The following TENM3 variants were observed in gnomAD, a reference collection of about 807,000 sequenced individuals.
TENM3 encodes the protein teneurin-3.
TENM3 carries 63 observed loss-of-function variants against 255.1 expected under a neutral mutation model. The ratio of observed to expected loss-of-function variants is 0.25; its 90% confidence interval spans 0.20 to 0.30. The LOEUF (loss-of-function observed/expected upper bound fraction) is 0.30. TENM3 is among the 10% of genes least tolerant of loss of function. TENM3 has a pLI of 1.00. For synonymous variants in TENM3, 1,306 were observed against 1,322.3 expected (o/e 0.99, Z 0.27); for missense variants, 2,929 against 3,461.1 (o/e 0.85, Z 3.86).
the TENM3 span, among the ~76,000 whole-genome samples, chr4:182,035,207 T>C: frequency 6.6e-6 from 1 of 152,250 alleles, no homozygotes; most frequent in Non-Finnish European, 1.5e-5. Context: ...GTTATTTAAA[T>C]GATTTTTGTC....
At chr4:182,119,918 T>A in the TENM3 span, among the ~76,000 whole-genome samples, 2 of 151,782 alleles carry the variant, frequency 1.3e-5, no homozygotes, top group African/African-American at 4.8e-5. Context: ...CCTAAGCTGG[T>A]CTCAAACTCC....
At chr4:181,845,285 G>A in the TENM3 span, among the ~76,000 whole-genome samples, 51 of 152,120 alleles carry the variant, frequency 3.4e-4, 1 homozygote, top group Non-Finnish European at 1.5e-4. Context: ...AGATTCAAAT[G>A]AATTTGAATT....
the TENM3 span, among the ~76,000 whole-genome samples, chr4:181,958,483 G>A: frequency 6.6e-6 from 1 of 152,172 alleles, no homozygotes; most frequent in Non-Finnish European, 1.5e-5. Flanking sequence ...GTAATGATAT[G>A]AGTAAATCAT....
the TENM3 span, among the ~76,000 whole-genome samples, chr4:182,057,560 C>A: frequency 6.6e-6 from 1 of 151,598 alleles, no homozygotes; most frequent in Non-Finnish European, 1.5e-5. Context: ...TACAGGCACA[C>A]CACCATGCCC....
the TENM3 span, among the ~76,000 whole-genome samples, chr4:181,818,995 G>A: frequency 1.3e-5 from 2 of 152,130 alleles, no homozygotes; most frequent in Non-Finnish European, 1.5e-5. Flanking sequence ...CATGACCATG[G>A]TTAGGTCCCA....
rs867441282 is a variant in TENM3 at position 182,773,623 on chromosome 4, G to A, written c.5044G>A (p.Asp1682Asn). The A allele has an allele frequency of 5.6e-6, 9 of 1,612,054 alleles. 1 individual carries two copies. The highest frequency in any genetic ancestry group is 1.7e-5 in the Admixed American group (1 of 59,770). ...CATCACTTCAAATCTGTCCTCGATCGATTCTTTCTACACCATGGTTCAAGG... is the reference window on the plus strand; with the variant it reads ...CATCACTTCAAATCTGTCCTCGATCAATTCTTTCTACACCATGGTTCAAGG... Reference protein sequence around the residue: ...VSITSNLSSIDSFYTMVQDQL... With the variant: ...VSITSNLSSINSFYTMVQDQL... Residue 1682 changes from aspartate to asparagine, a missense_variant, in exon 23 of 28, where the codon GAT becomes AAT. Around this residue, in one of 6 missense-constraint regions of TENM3, gnomAD observed 1,608 missense variants for 1,884.4 expected, o/e 0.85. Coordinates refer to ENST00000511685, the MANE Select transcript of TENM3 (RefSeq NM_001080477.4).
chr4:182,767,020 C>T (rs1763773574), intron 22 of TENM3, among the ~76,000 whole-genome samples: 1 of 152,136 alleles, frequency 6.6e-6, no homozygotes, highest in Admixed American at 6.5e-5. Flanking sequence ...AGGTAGGTAG[C>T]AGGCAGGGGA....
the TENM3 span, among the ~76,000 whole-genome samples, chr4:181,648,210 C>T: frequency 2.6e-5 from 4 of 152,268 alleles, no homozygotes; most frequent in Admixed American, 2.0e-4. Flanking sequence ...GCACGCTGCT[C>T]ATTTAGGTTT....
the TENM3 span, among the ~76,000 whole-genome samples, chr4:181,908,491 G>A: frequency 2.0e-5 from 3 of 151,782 alleles, no homozygotes; most frequent in African/African-American, 7.3e-5. Flanking sequence ...TTCCATATTG[G>A]GTGATACATT....
At chr4:181,491,625 GAT>G in the TENM3 span, among the ~76,000 whole-genome samples, 73 of 152,026 alleles carry the variant, frequency 4.8e-4, 1 homozygote, top group East Asian at 0.014. Context: ...TAAAGATATA[GAT>G]ACAGAAATAG....
At chr4:182,542,852 T>G (rs1016791306) in intron 3 of TENM3, among the ~76,000 whole-genome samples, 3 of 152,210 alleles carry the variant, frequency 2.0e-5, no homozygotes, top group African/African-American at 7.2e-5. Context: ...TCACTGTAAA[T>G]GAAAGTTTAA....
In TENM3 at chr4:182,799,609, T is replaced by C. The variant is rs1287187800; in HGVS notation, c.7358T>C (p.Val2453Ala). ...TTTCGCCCGCAGCCCATCTTCGGAG[T>C]CCAGCAGCAAGTGGCGCGGCAGGCC... ...QWDDIPPIFG[V>A]QQQVARQAKA... The change falls in exon 28 of 28, where the codon GTC becomes GCC. Residue 2453 changes from valine (V) to alanine (A), a missense_variant. Transcript: ENST00000511685. This position sits in a 1 kb window ranked among gnomAD's most constrained non-coding sequence, Gnocchi z 4.2. The C allele has an allele frequency of 1.8e-5, 27 of 1,541,268 alleles. No homozygotes were observed. Among genetic ancestry groups the C allele is most frequent in the South Asian group, 2.4e-5 (2 of 84,016 alleles).
At chr4:181,992,325 C>T in the TENM3 span, among the ~76,000 whole-genome samples, 5 of 152,242 alleles carry the variant, frequency 3.3e-5, no homozygotes, top group South Asian at 8.3e-4. Context: ...TGGATGCGTT[C>T]TCTCATTAGT....
chr4:181,716,938 C>T, the TENM3 span, among the ~76,000 whole-genome samples: 3 of 152,146 alleles, frequency 2.0e-5, no homozygotes, highest in Non-Finnish European at 2.9e-5. Context: ...ATATTTCTTT[C>T]GGTTTGGGAT....
chr4:182,799,916 C>A lies in TENM3; in HGVS notation c.7665C>A (p.Pro2555=), dbSNP rs1766795352. ...ACTACTTCATCAAGACCACCACGCCCGAGAGCGACCTGGGCACGCTGCGGT... is the reference window on the plus strand; with the variant it reads ...ACTACTTCATCAAGACCACCACGCCAGAGAGCGACCTGGGCACGCTGCGGT... ...DTHYFIKTTT[P]ESDLGTLRLT... The change falls in exon 28 of 28, where the codon CCC becomes CCA. Residue 2555 remains proline, a synonymous_variant. Coordinates refer to ENST00000511685, the MANE Select transcript of TENM3 (RefSeq NM_001080477.4). This position sits in a 1 kb window ranked among gnomAD's most constrained non-coding sequence, Gnocchi z 4.2. The A allele has an allele frequency of 6.2e-7, 1 of 1,604,102 alleles. No homozygotes were observed. The highest frequency in any genetic ancestry group is 8.5e-7 in the Non-Finnish European group (1 of 1,175,736).
At chr4:181,730,158 G>A in the TENM3 span, among the ~76,000 whole-genome samples, 3 of 152,178 alleles carry the variant, frequency 2.0e-5, no homozygotes, top group Non-Finnish European at 4.4e-5. Context: ...GGGGAGTCAA[G>A]TGCATGTAAT....
intron 3 of TENM3, among the ~76,000 whole-genome samples, chr4:182,419,277 C>A (rs1470112748): frequency 6.6e-6 from 1 of 152,156 alleles, no homozygotes; most frequent in African/African-American, 2.4e-5. Flanking sequence ...AAATGCTCAT[C>A]ATCACTGGCC....
the TENM3 span, among the ~76,000 whole-genome samples, chr4:181,516,817 A>G: frequency 6.6e-6 from 1 of 152,022 alleles, no homozygotes; most frequent in African/African-American, 2.4e-5. Context: ...GCCTTTTACT[A>G]TGTGCCAGGT....
At chr4:181,654,484 G>A in the TENM3 span, among the ~76,000 whole-genome samples, 1 of 152,134 alleles carries the variant, frequency 6.6e-6, no homozygotes, top group South Asian at 2.1e-4. Flanking sequence ...CTCAAAGAGT[G>A]GTCCTTCGCC....
Sources: gnomAD v4.1 joint callset for allele counts (sites outside exome capture counted in the v4.1 genomes callset) on GRCh38, gnomAD v4.1.1 for gene constraint, gnomAD v4.1.1 regional missense constraint, Gnocchi (gnomAD v3.1) non-coding constraint, MANE v1.5 for transcripts, NCBI Gene and HGNC (gene_info 2026-07-23, HGNC 2026-07-21) for gene names.